Variants in SNTB2 observed in about 807,000 individuals in gnomAD.
SNTB2 encodes the protein beta-2-syntrophin.
In SNTB2, 34 loss-of-function variants were observed where a neutral mutation model predicts 46.2. That is an observed-to-expected ratio of 0.74 (90% CI 0.56 to 0.98). The LOEUF is 0.98. SNTB2 is among the 50% of genes least tolerant of loss of function. SNTB2 has a pLI of 0.00. For missense variants in SNTB2, 603 were observed against 731.4 expected, an observed-to-expected ratio of 0.82 and a Z score of 2.02; for synonymous variants, 290 against 312.6, an observed-to-expected ratio of 0.93 and a Z score of 0.76.
At chr16:69,264,176 G>A (rs1964863655) in intron 3 of SNTB2, among the ~76,000 whole-genome samples, 1 of 152,130 alleles carries the variant, frequency 6.6e-6, no homozygotes, top group Non-Finnish European at 1.5e-5. Flanking sequence ...TCTTGTCTCT[G>A]CACCTGACCC....
chr16:69,288,180 C>T (rs1344575541), intron 5 of SNTB2, among the ~76,000 whole-genome samples: 1 of 152,106 alleles, frequency 6.6e-6, no homozygotes, highest in Non-Finnish European at 1.5e-5. Flanking sequence ...CTGTATTGTC[C>T]TCAAGAATTC....
chr16:69,283,545 A>G (rs1219066268), intron 4 of SNTB2, among the ~76,000 whole-genome samples: 1 of 152,198 alleles, frequency 6.6e-6, no homozygotes, highest in Non-Finnish European at 1.5e-5. Flanking sequence ...TGCTAAAAAT[A>G]TATATATTTT....
At position 69,303,804 on chromosome 16, in the gene SNTB2, A is replaced by G. The variant is rs562048689; in HGVS notation, c.*2880A>G. 4 of 152,784 alleles carry G rather than the reference A, an allele frequency of 2.6e-5. No homozygotes were observed. The East Asian group carries it at 7.7e-4, about 29-fold the overall frequency. The allele number at this position is 152,784 out of a possible 1,614,324, so 9.5% of individuals were successfully genotyped here. ...TTTAGATGCCAAAGTATGGCAAATT[A>G]TTTCCAAATGATAACTACAAATGGG... is the stretch of plus-strand genomic sequence containing the variant. On this transcript the variant is annotated 3_prime_UTR_variant, in exon 7 of 7. Transcript: ENST00000336278.
At chr16:69,246,620 A>G (rs1023676397) in intron 2 of SNTB2, among the ~76,000 whole-genome samples, 32 of 144,896 alleles carry the variant, frequency 2.2e-4, no homozygotes, top group Non-Finnish European at 4.5e-4. Flanking sequence ...TGATTGGAAT[A>G]GTTTCAGAAG....
rs910824518 is a variant in SNTB2 at position 69,302,322 on chromosome 16, TATC to T, written c.*1401_*1403del. ...TCTGCAAACATTTAAAATGGTATAA[TATC>T]ATATAAAATGTCAAAATTAGCACAG... On this transcript the variant is annotated 3_prime_UTR_variant, in exon 7 of 7. Transcript: ENST00000336278. 3.9e-5 allele frequency: 6 copies of T among 152,192 alleles called. No homozygotes were observed. Among genetic ancestry groups the T allele is most frequent in the African/African-American group, 9.6e-5 (4 of 41,452 alleles). The allele number at this position is 152,192 out of a possible 1,614,324, so 9.4% of individuals were successfully genotyped here. A position where few individuals can be genotyped will look rare whatever the true frequency, so the allele number is the denominator to read the frequency against.
chr16:69,258,605 CTTT>C (rs67116274), intron 2 of SNTB2, among the ~76,000 whole-genome samples: 4 of 83,504 alleles, frequency 4.8e-5, no homozygotes, highest in Non-Finnish European at 6.8e-5. Context: ...CTTGTTCTTT[CTTT>C]TTTTTTTTTT....
chr16:69,261,824 C>T (rs1368933911), intron 3 of SNTB2, among the ~76,000 whole-genome samples: 1 of 152,196 alleles, frequency 6.6e-6, no homozygotes, highest in Non-Finnish European at 1.5e-5. Context: ...ATTCCCGTTA[C>T]CTATCCACCT....
rs776488860 is a variant in SNTB2 at position 69,284,156 on chromosome 16, G to A, written c.1257G>A (p.Val419=). Residue 419 remains valine, a synonymous_variant, in exon 5 of 7, where the codon GTG becomes GTA. Transcript: ENST00000336278. The part of the protein sequence containing the change: ...RQGIEMHLFR[V]ETHRDLSSWT... Reference sequence around the variant, plus strand: ...GCATTGAGATGCATCTCTTCAGGGTGGAGACACATCGGGATCTGTCATCCT... The same window carrying A: ...GCATTGAGATGCATCTCTTCAGGGTAGAGACACATCGGGATCTGTCATCCT... 6.2e-7 allele frequency: 1 copy of A among 1,614,052 alleles called. No individual in the cohort carries two copies. The highest frequency in any genetic ancestry group is 8.5e-7 in the Non-Finnish European group (1 of 1,179,998).
chr16:69,237,600 T>G (rs1224991579), intron 1 of SNTB2, among the ~76,000 whole-genome samples: 1 of 125,974 alleles, frequency 7.9e-6, no homozygotes, highest in African/African-American at 3.5e-5. Flanking sequence ...TCTTTCTTTC[T>G]TTCTTTTTTT....
At chr16:69,299,881 C>T (rs1341539209) in intron 6 of SNTB2, 107 bp downstream of exon 6, 32 of 1,233,316 alleles carry the variant, frequency 2.6e-5, no homozygotes, top group Middle Eastern at 4.2e-4. Flanking sequence ...CCATTTAGAA[C>T]CATGAAATTT....
intron 4 of SNTB2, among the ~76,000 whole-genome samples, chr16:69,283,311 C>A (rs1348297849): frequency 1.3e-5 from 2 of 152,290 alleles, no homozygotes; most frequent in East Asian, 1.9e-4. Flanking sequence ...ACAGTCATGT[C>A]ATTTGCAAAC....
chr16:69,200,707 G>T (rs1049022848), intron 1 of SNTB2, among the ~76,000 whole-genome samples: 3 of 151,920 alleles, frequency 2.0e-5, no homozygotes, highest in African/African-American at 7.3e-5. Flanking sequence ...AGAGATGGGG[G>T]TCTTGCTACA....
At chr16:69,195,193 C>T (rs1964092145) in intron 1 of SNTB2, among the ~76,000 whole-genome samples, 1 of 152,126 alleles carries the variant, frequency 6.6e-6, no homozygotes, top group African/African-American at 2.4e-5. Flanking sequence ...CTTTTGAAGT[C>T]AGAGACGGAG....
In SNTB2 at chr16:69,270,339, A is replaced by G. The variant is rs75710579; in HGVS notation, c.1148+54A>G. On this transcript the variant is annotated intron_variant, in intron 4 of 6. Transcript: ENST00000336278. The stretch of plus-strand genomic sequence containing the variant: ...AATATTTATCCTACTCTAAATCTAC[A>G]AAAGAATTTTAAAGTGAATTCTGTT... 3.6e-3 allele frequency: 5,813 copies of G among 1,600,032 alleles called. 156 individuals are homozygous for G. In the African/African-American group the frequency reaches 0.064, roughly 18 times the overall value.
chr16:69,286,747 C>T (rs1300190596), intron 5 of SNTB2, among the ~76,000 whole-genome samples: 1 of 150,288 alleles, frequency 6.7e-6, no homozygotes, highest in Non-Finnish European at 1.5e-5. Context: ...TAGTGGCACA[C>T]ACTGTAGTCT....
intron 1 of SNTB2, among the ~76,000 whole-genome samples, chr16:69,207,131 C>G (rs1964229366): frequency 6.9e-6 from 1 of 144,376 alleles, no homozygotes; most frequent in African/African-American, 2.6e-5. Flanking sequence ...ATAGATTTTC[C>G]TTTTCTTTTC....
intron 1 of SNTB2, among the ~76,000 whole-genome samples, chr16:69,196,019 C>G (rs756121170): frequency 1.3e-5 from 2 of 152,158 alleles, no homozygotes; most frequent in African/African-American, 4.8e-5. Flanking sequence ...GGTGGAATCA[C>G]TTCAGCCTAG....
chr16:69,249,846 C>T lies in SNTB2; in HGVS notation c.794+4031C>T, dbSNP rs556530435. On this transcript the variant is annotated intron_variant, in intron 2 of 6. Transcript: ENST00000336278. ...GGGTGCAGTGGCTAACACCTGTAATCCCAGCACTTTGAGAGGCCAAGGTGG... is the reference window on the plus strand; with the variant it reads ...GGGTGCAGTGGCTAACACCTGTAATTCCAGCACTTTGAGAGGCCAAGGTGG... 5.9e-5 allele frequency among the ~76,000 whole-genome samples: 9 copies of T among 152,230 alleles called. No individual in the cohort carries two copies. The South Asian group carries it at 1.7e-3, about 28-fold the overall frequency.
At chr16:69,263,306 C>T (rs1022957536) in intron 3 of SNTB2, among the ~76,000 whole-genome samples, 1 of 152,082 alleles carries the variant, frequency 6.6e-6, no homozygotes, top group African/African-American at 2.4e-5. Flanking sequence ...GATAGGATCT[C>T]ACTGTGTTGC....
Sources: gnomAD v4.1 joint callset for allele counts (sites outside exome capture counted in the v4.1 genomes callset) on GRCh38, gnomAD v4.1.1 for gene constraint, MANE v1.5 for transcripts, NCBI Gene and HGNC (gene_info 2026-07-23, HGNC 2026-07-21) for gene names.